The following PAWR variants were observed in gnomAD, a reference collection of about 807,000 sequenced individuals.
PAWR encodes the protein PRKC apoptosis WT1 regulator protein.
PAWR carries 23 observed loss-of-function variants against 32.0 expected under a neutral mutation model. The ratio of observed to expected loss-of-function variants is 0.72; its 90% CI spans 0.52 to 1.02. PAWR has a LOEUF of 1.02. PAWR is among the 50% of genes least tolerant of loss of function. The probability of loss-of-function intolerance (pLI) is 0.00; values close to 1 mark genes in which losing one functional copy is unlikely to be tolerated. For missense variants in PAWR, 457 were observed against 437.7 expected (o/e 1.04, Z -0.39); for synonymous variants, 226 against 187.1 (o/e 1.21, Z -1.70).
intron 2 of PAWR, chr12:79,688,341 G>A (rs761971011): frequency 6.6e-6 from 1 of 151,800 alleles, no homozygotes; most frequent in Non-Finnish European, 1.5e-5. Flanking sequence ...GATGAACAAT[G>A]AGGAAAAGAT....
At chr12:79,690,427 G>C in intron 1 of PAWR, 36 bp from the exon 2 acceptor site, 1 of 1,263,100 alleles carries the variant, frequency 7.9e-7, no homozygotes, top group South Asian at 1.9e-5. Flanking sequence ...GGTAAGGGAA[G>C]CGTAAGATCC....
At chr12:79,602,334 C>A (rs1218290605) in intron 4 of PAWR, among the ~76,000 whole-genome samples, 1 of 152,146 alleles carries the variant, frequency 6.6e-6, no homozygotes, top group Non-Finnish European at 1.5e-5. Flanking sequence ...CCTTTGGAGA[C>A]CACTGATTCA....
At chr12:79,601,548 A>C (rs1873963145) in intron 4 of PAWR, among the ~76,000 whole-genome samples, 1 of 152,114 alleles carries the variant, frequency 6.6e-6, no homozygotes, top group Admixed American at 6.6e-5. Flanking sequence ...AGATCTCCAA[A>C]TATTATTCAT....
At chr12:79,673,691 A>C (rs1391358523) in intron 2 of PAWR, among the ~76,000 whole-genome samples, 1 of 152,232 alleles carries the variant, frequency 6.6e-6, no homozygotes, top group Non-Finnish European at 1.5e-5. Context: ...ATTTGTGAGA[A>C]CTTAAAATAA....
chr12:79,657,375 C>CA (rs1156342793), intron 2 of PAWR, among the ~76,000 whole-genome samples: 4 of 149,464 alleles, frequency 2.7e-5, no homozygotes, highest in African/African-American at 7.4e-5. Flanking sequence ...TTGCACACTG[C>CA]AAAAAAATGC....
chr12:79,690,124 G>C lies in PAWR; in HGVS notation c.121C>G (p.Pro41Ala). 1 of 1,504,428 alleles carries C rather than the reference G, an allele frequency of 6.6e-7. No homozygotes were observed. The highest frequency in any genetic ancestry group is 8.8e-7 in the Non-Finnish European group (1 of 1,129,958). 93.2% of individuals were successfully genotyped at this position (1,504,428 alleles called of 1,614,324 possible). The change falls in exon 2 of 7, where the codon CCC becomes GCC. Residue 41 changes from proline to alanine, a missense_variant. By Grantham distance (27) the Pro-to-Ala change is conservative (BLOSUM62 -1). Coordinates refer to ENST00000328827, the MANE Select transcript of PAWR (RefSeq NM_002583.4). Reference protein sequence around the residue: ...RAKQNPPGPAPPGGGSSDAAG... With the variant: ...RAKQNPPGPAAPGGGSSDAAG... ...GCGTCGCTGCTGCCCCCTCCCGGGG[G>C]GGCCGGGCCCGGGGGGTTCTGCTTG...
chr12:79,658,636 C>G (rs941207127), intron 2 of PAWR, among the ~76,000 whole-genome samples: 5 of 152,032 alleles, frequency 3.3e-5, no homozygotes, highest in Non-Finnish European at 5.9e-5. Context: ...ATTCATCCTT[C>G]AAAATAAATA....
At chr12:79,613,950 TATATATATATATATATATATATATATATA>T (rs1223763559) in intron 3 of PAWR, among the ~76,000 whole-genome samples, 440 of 5,880 alleles carry the variant, frequency 0.075, 13 homozygotes, top group African/African-American at 0.24. Flanking sequence ...TATATATATA[TATATATATATATATATATATATATATATA>T]TTTTTTTTTT....
intron 2 of PAWR, among the ~76,000 whole-genome samples, chr12:79,689,392 C>T (rs1878849729): frequency 6.6e-6 from 1 of 152,114 alleles, no homozygotes; most frequent in Admixed American, 6.5e-5. Context: ...ACTGATCAAG[C>T]ATAAACAGCC....
At position 79,613,377 on chromosome 12, in the gene PAWR, T is replaced by C. The variant is rs1361563661; in HGVS notation, c.683+198A>G. On this transcript the variant is annotated intron_variant, in intron 4 of 6. Coordinates refer to ENST00000328827, the MANE Select transcript of PAWR (RefSeq NM_002583.4). ...ACCCATGCAAATTCACAGTGAGTTTTCAAAGACTTCGGCATGTCAGAATAA... is the reference window on the plus strand; with the variant it reads ...ACCCATGCAAATTCACAGTGAGTTTCCAAAGACTTCGGCATGTCAGAATAA... Among the ~76,000 whole-genome samples, 5 of 152,222 alleles carry C rather than the reference T, an allele frequency of 3.3e-5. 1 individual carries two copies. Among genetic ancestry groups the C allele is most frequent in the Admixed American group, 2.6e-4 (4 of 15,288 alleles).
rs1313400065 is a variant in PAWR, at chr12:79,590,487, C to T, written c.*2120G>A. 6.6e-6 allele frequency: 1 copy of T among 152,114 alleles called. No individual in the cohort carries two copies. Among genetic ancestry groups the T allele is most frequent in the South Asian group, 2.1e-4 (1 of 4,818 alleles). The allele number at this position is 152,114 out of a possible 1,614,324, so 9.4% of individuals were successfully genotyped here. ...AAGTGCTGGGATTACAGGCATGAGC[C>T]ACTGCACCCAGCCTAATAACTGATA... On this transcript the variant is annotated 3_prime_UTR_variant, in exon 7 of 7. Coordinates refer to ENST00000328827, the MANE Select transcript of PAWR (RefSeq NM_002583.4).
At chr12:79,625,648 G>A (rs551427173) in intron 2 of PAWR, among the ~76,000 whole-genome samples, 11 of 152,096 alleles carry the variant, frequency 7.2e-5, no homozygotes, top group Admixed American at 2.0e-4. Flanking sequence ...GTGAAACCCT[G>A]CCTCTACTAA....
chr12:79,608,975 G>A (rs1566000541), intron 4 of PAWR, among the ~76,000 whole-genome samples: 1 of 152,088 alleles, frequency 6.6e-6, no homozygotes, highest in Non-Finnish European at 1.5e-5. Context: ...AGCTCAGGAG[G>A]TAAAGGTTGC....
rs922002845 is a variant in PAWR, at chr12:79,677,488, G to A, written c.516+12241C>T. Among the ~76,000 whole-genome samples, 21 of 152,140 alleles carry A rather than the reference G, an allele frequency of 1.4e-4. No homozygotes were observed. In the South Asian group the frequency reaches 3.7e-3, roughly 27 times the overall value. ...GCTTAAAATGAAATAATAAGACAAT[G>A]TCAAGTTTAAAGGCAGGTTATAAGA... On this transcript the variant is annotated intron_variant, in intron 2 of 6. Transcript: ENST00000328827.
chr12:79,674,270 C>T (rs1046426281), intron 2 of PAWR, among the ~76,000 whole-genome samples: 1 of 152,032 alleles, frequency 6.6e-6, no homozygotes, highest in Admixed American at 6.6e-5. Flanking sequence ...ACCATCTGAT[C>T]TTTGACAAAG....
chr12:79,680,786 T>C (rs929673416), intron 2 of PAWR, among the ~76,000 whole-genome samples: 28 of 152,018 alleles, frequency 1.8e-4, no homozygotes, highest in African/African-American at 6.8e-4. Context: ...CACAAACACT[T>C]TTCCTGAGCA....
chr12:79,626,706 C>T (rs1184426031), intron 2 of PAWR, among the ~76,000 whole-genome samples: 3 of 151,570 alleles, frequency 2.0e-5, no homozygotes, highest in South Asian at 2.1e-4. Flanking sequence ...CGTCATTTAA[C>T]ATTAGGTATA....
chr12:79,642,456 C>A (rs1876371775), intron 2 of PAWR, among the ~76,000 whole-genome samples: 1 of 152,184 alleles, frequency 6.6e-6, no homozygotes, highest in South Asian at 2.1e-4. Context: ...TTTATTTTCT[C>A]ACAGTTCTGG....
At chr12:79,593,990 C>T (rs1306354835) in intron 6 of PAWR, among the ~76,000 whole-genome samples, 2 of 152,018 alleles carry the variant, frequency 1.3e-5, no homozygotes, top group Non-Finnish European at 2.9e-5. Context: ...AGGTGTGAGC[C>T]ACAGCGCCTG....
Sources: allele counts gnomAD v4.1 joint callset (sites outside exome capture counted in the v4.1 genomes callset), GRCh38; gene constraint gnomAD v4.1.1; transcripts MANE v1.5; gene names NCBI Gene and HGNC (gene_info 2026-07-23, HGNC 2026-07-21).